CEP70: variants seen among roughly 807,000 people sequenced by gnomAD.
The protein encoded by CEP70 is centrosomal protein of 70 kDa.
A neutral mutation model predicts 90.9 loss-of-function variants in CEP70; 70 were observed. The ratio of observed to expected loss-of-function variants is 0.77; its 90% confidence interval spans 0.64 to 0.94. The LOEUF (loss-of-function observed/expected upper bound fraction) is 0.94. Among genes scored for constraint, CEP70 ranks in the 40% least tolerant of loss-of-function variants. The pLI is 0.00. For missense variants in CEP70, 648 were observed against 669.0 expected (o/e 0.97, Z 0.35); for synonymous variants, 220 against 228.3 (o/e 0.96, Z 0.33).
intron 6 of CEP70, among the ~76,000 whole-genome samples, chr3:138,555,804 A>G (rs1443938350): frequency 6.6e-6 from 1 of 152,200 alleles, no homozygotes; most frequent in Non-Finnish European, 1.5e-5. Context: ...GAAAACTTCT[A>G]CACTGCTGGT....
At chr3:138,521,984 C>T (rs1292630104) in intron 11 of CEP70, among the ~76,000 whole-genome samples, 2 of 151,976 alleles carry the variant, frequency 1.3e-5, no homozygotes, top group Non-Finnish European at 2.9e-5. Flanking sequence ...ATAACCTTAC[C>T]CCCAACCCCT....
chr3:138,513,961 A>AC (rs953185149), intron 11 of CEP70, among the ~76,000 whole-genome samples: 34 of 151,952 alleles, frequency 2.2e-4, no homozygotes, highest in African/African-American at 8.0e-4. Flanking sequence ...CTAAAAAAAA[A>AC]AAACAAACAA....
intron 6 of CEP70, among the ~76,000 whole-genome samples, chr3:138,542,616 C>T (rs2038863839): frequency 6.6e-6 from 1 of 152,178 alleles, no homozygotes; most frequent in Non-Finnish European, 1.5e-5. Context: ...GGTGGGAGGC[C>T]TATGATGTGA....
At chr3:138,545,427 T>G (rs1576758582) in intron 6 of CEP70, among the ~76,000 whole-genome samples, 1 of 152,250 alleles carries the variant, frequency 6.6e-6, no homozygotes, top group African/African-American at 2.4e-5. Context: ...TCCTGTTATC[T>G]TTGTAAGCTG....
intron 11 of CEP70, among the ~76,000 whole-genome samples, chr3:138,525,270 G>T (rs6793946): frequency 5.3e-5 from 8 of 152,004 alleles, no homozygotes; most frequent in South Asian, 2.1e-4. Context: ...GTTATGGGGT[G>T]GGGGGAGTGG....
chr3:138,522,712 T>C (rs1245164170), intron 11 of CEP70, among the ~76,000 whole-genome samples: 1 of 152,186 alleles, frequency 6.6e-6, no homozygotes, highest in East Asian at 1.9e-4. Flanking sequence ...TAATAGGCTC[T>C]GAAATTGAGG....
intron 2 of CEP70, among the ~76,000 whole-genome samples, chr3:138,582,333 G>A (rs535188339): frequency 1.3e-5 from 2 of 152,074 alleles, no homozygotes; most frequent in Admixed American, 6.5e-5. Context: ...TTAGCCAGGC[G>A]TGGTGGCACA....
At chr3:138,507,519 T>C (rs939848843) in intron 12 of CEP70, among the ~76,000 whole-genome samples, 3 of 152,150 alleles carry the variant, frequency 2.0e-5, no homozygotes, top group East Asian at 1.9e-4. Flanking sequence ...CTTTTAACTA[T>C]AGAAATTAAA....
intron 6 of CEP70, among the ~76,000 whole-genome samples, chr3:138,547,482 T>G (rs897966511): frequency 2.0e-5 from 3 of 152,240 alleles, no homozygotes; most frequent in African/African-American, 7.2e-5. Context: ...ATTAATTTCT[T>G]TTTCCTTTGT....
chr3:138,590,663 T>C (rs78773586), intron 2 of CEP70, among the ~76,000 whole-genome samples: 1 of 139,066 alleles, frequency 7.2e-6, no homozygotes, highest in Non-Finnish European at 1.5e-5. Flanking sequence ...AAAAAAAAAA[T>C]AGCCGATCCT....
rs1209772885 is a variant in CEP70, at chr3:138,495,281, T to C, written c.1733-205A>G. Among the ~76,000 whole-genome samples, 4 of 152,232 alleles carry C rather than the reference T, an allele frequency of 2.6e-5. No homozygotes were observed. The East Asian group carries it at 5.8e-4, about 22-fold the overall frequency. ...ATGCTTCACAGGGGCTCTGTTTATA[T>C]AAGTTACCACATACCCACAAGTACC... On this transcript the variant is annotated intron_variant, in intron 17 of 17. Coordinates refer to ENST00000264982, the MANE Select transcript of CEP70 (RefSeq NM_024491.4).
chr3:138,550,984 TA>T (rs1560391019), intron 6 of CEP70, among the ~76,000 whole-genome samples: 1 of 152,196 alleles, frequency 6.6e-6, no homozygotes. Context: ...CCAGCCTTGC[TA>T]AAGACCTAGA....
intron 2 of CEP70, among the ~76,000 whole-genome samples, chr3:138,573,804 T>C (rs552616364): frequency 3.3e-5 from 5 of 152,254 alleles, no homozygotes; most frequent in African/African-American, 1.2e-4. Context: ...ACAATGGAGG[T>C]GGACACTGGT....
intron 17 of CEP70, among the ~76,000 whole-genome samples, chr3:138,495,614 G>C (rs2033904186): frequency 6.6e-6 from 1 of 152,180 alleles, no homozygotes. Flanking sequence ...CACTTTGGGA[G>C]GCCGAGACGG....
At chr3:138,537,703 T>C (rs1400185091) in intron 6 of CEP70, among the ~76,000 whole-genome samples, 1 of 152,114 alleles carries the variant, frequency 6.6e-6, no homozygotes, top group Non-Finnish European at 1.5e-5. Flanking sequence ...TAATTGGGGA[T>C]TGCAAATGGT....
At chr3:138,525,072 T>G (rs971531578) in intron 11 of CEP70, among the ~76,000 whole-genome samples, 72 of 152,296 alleles carry the variant, frequency 4.7e-4, no homozygotes, top group Non-Finnish European at 9.3e-4. Context: ...CACCATGGAA[T>G]ACTATGCAGC....
intron 13 of CEP70, among the ~76,000 whole-genome samples, chr3:138,503,071 G>A (rs1247968972): frequency 6.6e-6 from 1 of 152,092 alleles, no homozygotes; most frequent in Non-Finnish European, 1.5e-5. Flanking sequence ...ATTTTTAAAT[G>A]TAAGTTCAGT....
intron 6 of CEP70, among the ~76,000 whole-genome samples, chr3:138,548,247 G>A (rs749480333): frequency 9.2e-5 from 14 of 151,988 alleles, no homozygotes; most frequent in Non-Finnish European, 1.6e-4. Context: ...GTAATACACC[G>A]CATTAGCACA....
chr3:138,511,788 A>G lies in CEP70; in HGVS notation c.945-3244T>C, dbSNP rs193111206. Among the ~76,000 whole-genome samples, 437 of 152,312 alleles carry G rather than the reference A, an allele frequency of 2.9e-3. 4 individuals are homozygous for G. Among genetic ancestry groups the G allele is most frequent in the African/African-American group, 0.01 (421 of 41,586 alleles). Reference sequence around the variant, plus strand: ...TACATGTATTCACTCATTTAGTCCCATTGTTTTTCTATTTATATAAGACAA... The same window carrying G: ...TACATGTATTCACTCATTTAGTCCCGTTGTTTTTCTATTTATATAAGACAA... On this transcript the variant is annotated intron_variant, in intron 11 of 17. Coordinates refer to ENST00000264982, the MANE Select transcript of CEP70 (RefSeq NM_024491.4).
Sources: allele counts gnomAD v4.1 joint callset (sites outside exome capture counted in the v4.1 genomes callset), GRCh38; gene constraint gnomAD v4.1.1; transcripts MANE v1.5; gene names NCBI Gene and HGNC (gene_info 2026-07-23, HGNC 2026-07-21).